Variants in SMAP1 observed in about 807,000 individuals in gnomAD.
SMAP1 encodes stromal membrane-associated protein 1.
SMAP1 carries 24 observed loss-of-function variants against 58.5 expected under a neutral mutation model. The ratio of observed to expected loss-of-function variants is 0.41; its 90% CI spans 0.30 to 0.58. SMAP1 has a LOEUF of 0.58. Among genes scored for constraint, SMAP1 ranks in the 20% least tolerant of loss-of-function variants. The pLI is 0.29. For synonymous variants in SMAP1, 216 were observed against 196.6 expected, an observed-to-expected ratio of 1.10 and a Z score of -0.82; for missense variants, 563 against 566.3, an observed-to-expected ratio of 0.99 and a Z score of 0.06.
At chr6:70,718,844 T>C (rs1344428572) in intron 1 of SMAP1, among the ~76,000 whole-genome samples, 1 of 128,746 alleles carries the variant, frequency 7.8e-6, no homozygotes, top group Non-Finnish European at 1.7e-5. Context: ...AAAAAAAAAG[T>C]GTTGCTTGGA....
intron 1 of SMAP1, among the ~76,000 whole-genome samples, chr6:70,702,615 C>CT (rs1767678822): frequency 1.3e-5 from 2 of 151,664 alleles, no homozygotes; most frequent in South Asian, 4.2e-4. Flanking sequence ...CATGTTCAGC[C>CT]TTTCTTTCTT....
intron 1 of SMAP1, among the ~76,000 whole-genome samples, chr6:70,690,393 G>A (rs1187099155): frequency 6.6e-6 from 1 of 151,628 alleles, no homozygotes; most frequent in Non-Finnish European, 1.5e-5. Flanking sequence ...TGCAACCTCC[G>A]CCTCCTGGGT....
At chr6:70,722,119 A>G (rs1220507322) in intron 1 of SMAP1, among the ~76,000 whole-genome samples, 1 of 152,272 alleles carries the variant, frequency 6.6e-6, no homozygotes, top group Non-Finnish European at 1.5e-5. Flanking sequence ...GTCAAGCTCT[A>G]CAAGTACTAA....
chr6:70,769,246 T>G (rs966384947), intron 3 of SMAP1, among the ~76,000 whole-genome samples: 16 of 152,142 alleles, frequency 1.1e-4, no homozygotes, highest in African/African-American at 2.9e-4. Flanking sequence ...GGGTGGAGAG[T>G]TCTGTAGATG....
intron 1 of SMAP1, among the ~76,000 whole-genome samples, chr6:70,722,596 A>T (rs1016324962): frequency 7.2e-5 from 11 of 152,248 alleles, no homozygotes; most frequent in Non-Finnish European, 1.6e-4. Flanking sequence ...GGGGACTCAC[A>T]GCCTTCAGAG....
chr6:70,763,107 T>TTTTTTG, intron 3 of SMAP1, among the ~76,000 whole-genome samples: 1 of 26,514 alleles, frequency 3.8e-5, no homozygotes, highest in Non-Finnish European at 6.7e-5. Context: ...CAGATATTAC[T>TTTTTTG]TTTTTTTTTT....
intron 4 of SMAP1, among the ~76,000 whole-genome samples, chr6:70,776,591 C>T (rs1383295838): frequency 6.6e-6 from 1 of 152,188 alleles, no homozygotes; most frequent in Non-Finnish European, 1.5e-5. Context: ...AACACTAAAT[C>T]GTACTCCTCC....
intron 1 of SMAP1, among the ~76,000 whole-genome samples, chr6:70,715,766 G>A (rs1768243411): frequency 1.3e-5 from 2 of 151,962 alleles, no homozygotes; most frequent in South Asian, 4.2e-4. Flanking sequence ...ATAGGTTTTG[G>A]GGGAACAAGT....
At chr6:70,777,280 C>T (rs1023084434) in intron 4 of SMAP1, among the ~76,000 whole-genome samples, 2 of 152,184 alleles carry the variant, frequency 1.3e-5, no homozygotes, top group Non-Finnish European at 2.9e-5. Context: ...GCAGAAATCA[C>T]CCGTCTTCTG....
chr6:70,708,115 T>G (rs1767912177), intron 1 of SMAP1, among the ~76,000 whole-genome samples: 1 of 152,202 alleles, frequency 6.6e-6, no homozygotes, highest in Admixed American at 6.5e-5. Context: ...GACCTCCCTC[T>G]TCCTGTTTCC....
chr6:70,770,271 A>G (rs372487170), intron 3 of SMAP1, among the ~76,000 whole-genome samples: 1 of 151,686 alleles, frequency 6.6e-6, no homozygotes, highest in Non-Finnish European at 1.5e-5. Flanking sequence ...CATTCTCTGT[A>G]TTTCCTGAAT....
chr6:70,836,998 G>T lies in SMAP1; in HGVS notation c.634G>T (p.Ala212Ser). 1 of 1,603,234 alleles carries T rather than the reference G, an allele frequency of 6.2e-7. No individual in the cohort carries two copies. The highest frequency in any genetic ancestry group is 8.5e-7 in the Non-Finnish European group (1 of 1,175,060). The part of the protein sequence containing the change: ...PKKSTSPKKA[A>S]EPTVDLLGLD... ...AAAAAGTACCAGCCCTAAAAAAGCTGCGGAGCCCACTGTGGATCTTTTAGG... is the reference window on the plus strand; with the variant it reads ...AAAAAGTACCAGCCCTAAAAAAGCTTCGGAGCCCACTGTGGATCTTTTAGG... Residue 212 changes from alanine (A) to serine (S), a missense_variant, in exon 7 of 11, where the codon GCG becomes TCG. Physicochemically the swap from Ala to Ser is moderately conservative, Grantham distance 99 (BLOSUM62 1). Coordinates refer to ENST00000370455, the MANE Select transcript of SMAP1 (RefSeq NM_001044305.3).
intron 1 of SMAP1, among the ~76,000 whole-genome samples, chr6:70,689,455 A>G (rs553868341): frequency 1.1e-4 from 17 of 152,354 alleles, no homozygotes; most frequent in Admixed American, 2.0e-4. Context: ...AATGTTGTAC[A>G]GTCTTTATTA....
rs550745779 is a variant in SMAP1, at chr6:70,825,132, G to T, written c.577-11809G>T. On this transcript the variant is annotated intron_variant, in intron 6 of 10. Transcript: ENST00000370455. ...AAGGAACAGTGGGGACACACATTGC[G>T]CATATATCCTGTGCTTAAGCTTATG... Among the ~76,000 whole-genome samples, 109 of 152,266 alleles carry T rather than the reference G, an allele frequency of 7.2e-4. 1 individual carries two copies. The South Asian group carries it at 0.01, about 14-fold the overall frequency.
At chr6:70,813,711 CTTT>C (rs1450074774) in intron 6 of SMAP1, among the ~76,000 whole-genome samples, 2 of 146,212 alleles carry the variant, frequency 1.4e-5, no homozygotes, top group Non-Finnish European at 3.1e-5. Context: ...TAATATTTGT[CTTT>C]TAACATTTTT....
rs551943014 is a variant in SMAP1, at chr6:70,759,699, A to G, written c.338+4634A>G. The G allele has an allele frequency of 1.1e-4, 30 of 273,020 alleles. No individual in the cohort carries two copies. The Middle Eastern group carries it at 1.3e-3, about 12-fold the overall frequency. 16.9% of individuals were successfully genotyped at this position (273,020 alleles called of 1,614,324 possible). A position where few individuals can be genotyped will look rare whatever the true frequency, so the allele number is the denominator to read the frequency against. On this transcript the variant is annotated intron_variant, in intron 3 of 10. Coordinates refer to ENST00000370455, the MANE Select transcript of SMAP1 (RefSeq NM_001044305.3). ...TAAAGTGCTAATGAGATATTGCATT[A>G]TTAGTTCTGTTATCTTGGCTGATAT...
At chr6:70,859,881 CT>C in intron 10 of SMAP1, 1 of 214,364 alleles carries the variant, frequency 4.7e-6, no homozygotes, top group East Asian at 1.1e-4. Flanking sequence ...TTTCTTACTC[CT>C]TAGTAGTTAA....
At chr6:70,719,036 A>C (rs572045875) in intron 1 of SMAP1, among the ~76,000 whole-genome samples, 1 of 152,282 alleles carries the variant, frequency 6.6e-6, no homozygotes, top group African/African-American at 2.4e-5. Context: ...GTGGAATTGC[A>C]TGACTAAAGA....
Position 70,683,165 on chromosome 6 carries a change from CTTTTTTT to C in SMAP1, c.118+15038_118+15044del, listed in dbSNP as rs112629325. 4.0e-3 allele frequency among the ~76,000 whole-genome samples: 454 copies of C among 114,548 alleles called. 11 individuals are homozygous for C. Among genetic ancestry groups the C allele is most frequent in the East Asian group, 0.029 (121 of 4,216 alleles). 75.1% of individuals were successfully genotyped at this position (114,548 alleles called of 152,430 possible). A position where few individuals can be genotyped will look rare whatever the true frequency, so the allele number is the denominator to read the frequency against. On this transcript the variant is annotated intron_variant, in intron 1 of 10. Coordinates refer to ENST00000370455, the MANE Select transcript of SMAP1 (RefSeq NM_001044305.3). ...TTTTCTTGATACTCTTAAGATTTAA[CTTTTTTT>C]TTTTTTTTTTTTTCTTGAGGCGGCG...
Sources: gnomAD v4.1 joint callset for allele counts (sites outside exome capture counted in the v4.1 genomes callset) on GRCh38, gnomAD v4.1.1 for gene constraint, MANE v1.5 for transcripts, NCBI Gene and HGNC (gene_info 2026-07-23, HGNC 2026-07-21) for gene names.